Variants in KCNB2 observed in about 807,000 individuals in gnomAD.
KCNB2 encodes delayed rectifier potassium channel protein.
A neutral mutation model predicts 61.5 loss-of-function variants in KCNB2; 15 were observed. The ratio of observed to expected loss-of-function variants is 0.24; its 90% CI spans 0.16 to 0.38. The LOEUF is 0.38. Among genes scored for constraint, KCNB2 ranks in the 10% least tolerant of loss-of-function variants. The pLI, the probability that KCNB2 is intolerant of heterozygous loss-of-function variation, is 1.00. For missense variants in KCNB2, 828 were observed against 1,125.2 expected, an observed-to-expected ratio of 0.74 and a Z score of 3.78; for synonymous variants, 457 against 446.0, an observed-to-expected ratio of 1.02 and a Z score of -0.31.
intron 2 of KCNB2, among the ~76,000 whole-genome samples, chr8:72,894,311 G>C (rs1001730672): frequency 6.6e-6 from 1 of 152,138 alleles, no homozygotes; most frequent in African/African-American, 2.4e-5. Flanking sequence ...TCAAGGTGGA[G>C]GGGGAAGGAG....
chr8:72,817,109 G>A (rs896746679), intron 2 of KCNB2, among the ~76,000 whole-genome samples: 3 of 152,160 alleles, frequency 2.0e-5, no homozygotes, highest in African/African-American at 7.2e-5. Flanking sequence ...TTCAAGGCCA[G>A]GAGGGTAGGG....
At chr8:72,642,412 ACTGTTT>A (rs1356129732) in intron 2 of KCNB2, among the ~76,000 whole-genome samples, 3 of 152,140 alleles carry the variant, frequency 2.0e-5, no homozygotes, top group Non-Finnish European at 2.9e-5. Flanking sequence ...AGTAGGCAGC[ACTGTTT>A]CAGATGGTGC....
chr8:72,911,078 A>T (rs1231088780), intron 2 of KCNB2, among the ~76,000 whole-genome samples: 1 of 152,230 alleles, frequency 6.6e-6, no homozygotes, highest in Non-Finnish European at 1.5e-5. Flanking sequence ...TAAACTCTAT[A>T]TAGCATCAGT....
At chr8:72,652,898 T>A (rs1001528551) in intron 2 of KCNB2, among the ~76,000 whole-genome samples, 9 of 152,202 alleles carry the variant, frequency 5.9e-5, no homozygotes, top group Admixed American at 3.9e-4. Flanking sequence ...AGACTAGAAA[T>A]CTGCACTCAA....
intron 2 of KCNB2, among the ~76,000 whole-genome samples, chr8:72,736,237 T>G: frequency 6.6e-6 from 1 of 152,004 alleles, no homozygotes; most frequent in African/African-American, 2.4e-5. Flanking sequence ...TTATACAAAT[T>G]CAATATATAT....
chr8:72,681,525 CCTT>C (rs1167644732), intron 2 of KCNB2, among the ~76,000 whole-genome samples: 1 of 152,020 alleles, frequency 6.6e-6, no homozygotes, highest in Non-Finnish European at 1.5e-5. Flanking sequence ...GATAACAATG[CCTT>C]CTTCTGGAAC....
At position 72,713,059 on chromosome 8, in the gene KCNB2, G is replaced by C. The variant is rs999642881; in HGVS notation, c.579+144746G>C. Among the ~76,000 whole-genome samples, 6 of 152,200 alleles carry C rather than the reference G, an allele frequency of 3.9e-5. No homozygotes were observed. The East Asian group carries it at 5.8e-4, about 15-fold the overall frequency. On this transcript the variant is annotated intron_variant, in intron 2 of 2. Transcript: ENST00000523207. ...GTCCTACGCCCACGGAGCCTCACTCGTTGCTAGCACAGCAGTCTGAGATAA... is the reference window on the plus strand; with the variant it reads ...GTCCTACGCCCACGGAGCCTCACTCCTTGCTAGCACAGCAGTCTGAGATAA...
chr8:72,690,476 T>C (rs1471268705), intron 2 of KCNB2, among the ~76,000 whole-genome samples: 1 of 152,238 alleles, frequency 6.6e-6, no homozygotes, highest in Admixed American at 6.5e-5. Flanking sequence ...TCAAGAAGTC[T>C]TCCTGCCTTT....
At chr8:72,555,574 T>A (rs1300861538) in intron 1 of KCNB2, among the ~76,000 whole-genome samples, 2 of 150,532 alleles carry the variant, frequency 1.3e-5, no homozygotes, top group African/African-American at 4.9e-5. Flanking sequence ...CATCTCTGAA[T>A]CCAGAAAAAC....
intron 2 of KCNB2, among the ~76,000 whole-genome samples, chr8:72,885,154 T>G (rs146826784): frequency 3.3e-5 from 5 of 152,262 alleles, no homozygotes; most frequent in Admixed American, 2.0e-4. Flanking sequence ...TAATAGATTT[T>G]AAAATATTAA....
rs554463999 is a variant in KCNB2 at position 72,577,288 on chromosome 8, T to C, written c.579+8975T>C. 2.8e-3 allele frequency among the ~76,000 whole-genome samples: 353 copies of C among 125,152 alleles called. 1 individual carries two copies. The highest frequency in any genetic ancestry group is 0.016 in the Middle Eastern group (4 of 256). The allele number at this position is 125,152 out of a possible 152,430, so 82.1% of individuals were successfully genotyped here. On this transcript the variant is annotated intron_variant, in intron 2 of 2. Coordinates refer to ENST00000523207, the MANE Select transcript of KCNB2 (RefSeq NM_004770.3). ...AGACAAAGTCTGTTGTATGTGCCCA[T>C]GTGTATGTGTGTGTGTATGTGTGTG...
At chr8:72,549,767 G>A (rs888870387) in intron 1 of KCNB2, among the ~76,000 whole-genome samples, 2 of 152,080 alleles carry the variant, frequency 1.3e-5, no homozygotes, top group South Asian at 4.1e-4. Flanking sequence ...TCAGACCTCT[G>A]GGATGTCTTC....
At chr8:72,738,908 A>G (rs538768201) in intron 2 of KCNB2, among the ~76,000 whole-genome samples, 1 of 152,332 alleles carries the variant, frequency 6.6e-6, no homozygotes, top group South Asian at 2.1e-4. Context: ...ACATTTTGAC[A>G]TAGGATGTAG....
At chr8:72,666,417 A>T (rs924984938) in intron 2 of KCNB2, among the ~76,000 whole-genome samples, 2 of 152,182 alleles carry the variant, frequency 1.3e-5, no homozygotes, top group Non-Finnish European at 2.9e-5. Context: ...AAACTTTAGG[A>T]GAATAATAAT....
At chr8:72,694,748 A>T (rs1806990916) in intron 2 of KCNB2, among the ~76,000 whole-genome samples, 1 of 152,074 alleles carries the variant, frequency 6.6e-6, no homozygotes, top group Non-Finnish European at 1.5e-5. Flanking sequence ...TTCAATTTAA[A>T]AAGTTTTAGA....
chr8:72,563,579 G>T (rs1333544023), intron 1 of KCNB2, among the ~76,000 whole-genome samples: 1 of 152,102 alleles, frequency 6.6e-6, no homozygotes, highest in Non-Finnish European at 1.5e-5. Flanking sequence ...CTAGGGATCA[G>T]GACAGGAAAG....
At chr8:72,590,579 G>A (rs918027856) in intron 2 of KCNB2, among the ~76,000 whole-genome samples, 5 of 152,120 alleles carry the variant, frequency 3.3e-5, no homozygotes, top group Non-Finnish European at 5.9e-5. Context: ...AGTATAGCAA[G>A]GACTAGAATA....
At chr8:72,638,445 C>A (rs887408062) in intron 2 of KCNB2, among the ~76,000 whole-genome samples, 113 of 152,122 alleles carry the variant, frequency 7.4e-4, no homozygotes, top group African/African-American at 2.7e-3. Context: ...GATTCTTTGA[C>A]CTCTCTCTAA....
chr8:72,811,602 A>G (rs1437734494), intron 2 of KCNB2, among the ~76,000 whole-genome samples: 1 of 152,042 alleles, frequency 6.6e-6, no homozygotes, highest in Non-Finnish European at 1.5e-5. Flanking sequence ...GTTTTTATGC[A>G]TTTCTGCTGA....
Sources: gnomAD v4.1 joint callset for allele counts (sites outside exome capture counted in the v4.1 genomes callset) on GRCh38, gnomAD v4.1.1 for gene constraint, MANE v1.5 for transcripts, NCBI Gene and HGNC (gene_info 2026-07-23, HGNC 2026-07-21) for gene names.